The following SUGCT variants were observed in gnomAD, a reference collection of about 807,000 sequenced individuals.
SUGCT encodes the protein succinyl-CoA:glutarate CoA-transferase.
A neutral mutation model predicts 55.0 loss-of-function variants in SUGCT; 41 were observed. The observed-to-expected ratio is 0.74, with a 90% CI of 0.58 to 0.97. SUGCT has a LOEUF of 0.97. Among genes scored for constraint, SUGCT ranks in the 50% least tolerant of loss-of-function variants. The pLI, the probability that SUGCT is intolerant of heterozygous loss-of-function variation, is 0.00. For missense variants in SUGCT, 568 were observed against 547.8 expected, an observed-to-expected ratio of 1.04 and a Z score of -0.37; for synonymous variants, 187 against 200.4, an observed-to-expected ratio of 0.93 and a Z score of 0.56.
chr7:40,964,675 G>A, the SUGCT span: 1 of 152,212 alleles, frequency 6.6e-6, no homozygotes, highest in African/African-American at 2.4e-5. Context: ...TATTCTGTTT[G>A]CAGAAGGTGA....
chr7:40,138,176 C>G (rs1435036128), intron 1 of SUGCT, among the ~76,000 whole-genome samples: 1 of 152,132 alleles, frequency 6.6e-6, no homozygotes, highest in African/African-American at 2.4e-5. Flanking sequence ...TCTCCATTGC[C>G]CATCACTCCA....
intron 9 of SUGCT, among the ~76,000 whole-genome samples, chr7:40,376,221 G>T (rs4723953): frequency 0.96 from 146,710 of 152,250 alleles, 70,915 homozygotes; most frequent in East Asian, 1. Flanking sequence ...TAATCACTAT[G>T]AATACATTCT....
At chr7:41,035,370 C>A in the SUGCT span, among the ~76,000 whole-genome samples, 1 of 152,146 alleles carries the variant, frequency 6.6e-6, no homozygotes, top group African/African-American at 2.4e-5. Context: ...ATCCAGGAAC[C>A]CCTGGGCCCT....
intron 9 of SUGCT, among the ~76,000 whole-genome samples, chr7:40,330,857 G>A (rs1796274090): frequency 6.6e-6 from 1 of 151,992 alleles, no homozygotes; most frequent in South Asian, 2.1e-4. Context: ...AAGCTTTAGG[G>A]TCTTTTCTAA....
chr7:40,596,033 C>T (rs993302472), intron 12 of SUGCT, among the ~76,000 whole-genome samples: 5 of 152,104 alleles, frequency 3.3e-5, no homozygotes, highest in African/African-American at 9.7e-5. Context: ...GTGCGAAATC[C>T]TCATTTTATT....
chr7:40,828,802 C>T (rs980247766), intron 13 of SUGCT, among the ~76,000 whole-genome samples: 1 of 152,044 alleles, frequency 6.6e-6, no homozygotes, highest in African/African-American at 2.4e-5. Flanking sequence ...AGTTCCTGAC[C>T]TTCACTGAGA....
the SUGCT span, among the ~76,000 whole-genome samples, chr7:41,020,920 T>A: frequency 6.6e-6 from 1 of 152,202 alleles, no homozygotes; most frequent in Non-Finnish European, 1.5e-5. Context: ...GTGGGATAAT[T>A]CACATTTAGA....
chr7:40,353,066 G>A (rs112782499), intron 9 of SUGCT, among the ~76,000 whole-genome samples: 4,053 of 148,520 alleles, frequency 0.027, 88 homozygotes, highest in Non-Finnish European at 0.04. Context: ...TTGGCCACAC[G>A]TGTCTTCTTT....
rs2876929 is a variant in SUGCT at position 40,158,674 on chromosome 7, C to T, written c.101-22273C>T. 7.3e-3 allele frequency among the ~76,000 whole-genome samples: 1,107 copies of T among 152,166 alleles called. 15 individuals carry two copies. The highest frequency in any genetic ancestry group is 0.025 in the African/African-American group (1,055 of 41,512). On this transcript the variant is annotated intron_variant, in intron 1 of 13. Coordinates refer to ENST00000335693, the MANE Select transcript of SUGCT (RefSeq NM_001193313.2). Reference sequence around the variant, plus strand: ...CTGAGACAGGAGAATTGCTTGAACCCGGGGGGCAGAGGTTGCAGTGAGCTG... The same window carrying T: ...CTGAGACAGGAGAATTGCTTGAACCTGGGGGGCAGAGGTTGCAGTGAGCTG...
chr7:40,325,990 G>A (rs1042195518), intron 9 of SUGCT, among the ~76,000 whole-genome samples: 5 of 140,334 alleles, frequency 3.6e-5, no homozygotes, highest in Non-Finnish European at 6.0e-5. Context: ...TATGATTCTA[G>A]TGGGTACCAA....
intron 9 of SUGCT, among the ~76,000 whole-genome samples, chr7:40,390,391 G>A (rs950993674): frequency 2.0e-4 from 31 of 152,218 alleles, no homozygotes; most frequent in Admixed American, 1.6e-3. Context: ...AAACCCCATC[G>A]TCTCAGCCCA....
chr7:40,323,976 T>G (rs1562680707), intron 9 of SUGCT, among the ~76,000 whole-genome samples: 1 of 152,182 alleles, frequency 6.6e-6, no homozygotes, highest in South Asian at 2.1e-4. Flanking sequence ...CTAAGATCTT[T>G]CCATCTCTCC....
chr7:40,853,754 T>G (rs1793978509), intron 13 of SUGCT, among the ~76,000 whole-genome samples: 1 of 152,244 alleles, frequency 6.6e-6, no homozygotes, highest in South Asian at 2.1e-4. Flanking sequence ...TTTTCTGATC[T>G]GTAAAATGAG....
intron 8 of SUGCT, among the ~76,000 whole-genome samples, chr7:40,299,412 T>A (rs1794386577): frequency 6.6e-6 from 1 of 152,164 alleles, no homozygotes; most frequent in Non-Finnish European, 1.5e-5. Flanking sequence ...AACAACAAAC[T>A]GTCACAGGTT....
At chr7:40,466,725 A>G (rs1790129310) in intron 11 of SUGCT, among the ~76,000 whole-genome samples, 1 of 152,244 alleles carries the variant, frequency 6.6e-6, no homozygotes, top group African/African-American at 2.4e-5. Flanking sequence ...CAGGTTCTAC[A>G]AAACAGAAAA....
intron 7 of SUGCT, among the ~76,000 whole-genome samples, chr7:40,255,024 C>T (rs377362654): frequency 2.9e-4 from 44 of 150,942 alleles, no homozygotes; most frequent in African/African-American, 9.5e-4. Context: ...GTCGGGAGTT[C>T]GAGACCAGCC....
intron 6 of SUGCT, among the ~76,000 whole-genome samples, chr7:40,197,864 G>A (rs530044815): frequency 6.6e-6 from 1 of 152,174 alleles, no homozygotes; most frequent in Non-Finnish European, 1.5e-5. Flanking sequence ...TACTTGGGAA[G>A]CCCACACTTC....
chr7:40,484,022 G>A (rs1411709825), intron 11 of SUGCT, among the ~76,000 whole-genome samples: 6 of 152,172 alleles, frequency 3.9e-5, no homozygotes, highest in African/African-American at 1.4e-4. Context: ...TTACTATGCA[G>A]TGTGCTAAGC....
chr7:40,637,808 A>G (rs541253055), intron 12 of SUGCT, among the ~76,000 whole-genome samples: 129 of 152,342 alleles, frequency 8.5e-4, no homozygotes, highest in Non-Finnish European at 1.5e-3. Flanking sequence ...AGATTATAAT[A>G]TGGTGATTGG....
Sources: gnomAD v4.1 joint callset for allele counts (sites outside exome capture counted in the v4.1 genomes callset) on GRCh38, gnomAD v4.1.1 for gene constraint, MANE v1.5 for transcripts, NCBI Gene and HGNC (gene_info 2026-07-23, HGNC 2026-07-21) for gene names.